Variants in TENM4 observed in about 807,000 individuals in gnomAD.
TENM4 encodes the protein teneurin transmembrane protein 4.
In TENM4, 82 loss-of-function variants were observed where a neutral mutation model predicts 243.3. The ratio of observed to expected loss-of-function variants is 0.34; its 90% confidence interval spans 0.28 to 0.40. The LOEUF is 0.40. TENM4 is among the 10% of genes least tolerant of loss of function. The pLI, the probability that TENM4 is intolerant of heterozygous loss-of-function variation, is 1.00. For synonymous variants in TENM4, 1,412 were observed against 1,456.3 expected, an observed-to-expected ratio of 0.97 and a Z score of 0.69; for missense variants, 3,138 against 3,673.3, an observed-to-expected ratio of 0.85 and a Z score of 3.77.
At chr11:79,121,021 C>A (rs911406721) in intron 4 of TENM4, among the ~76,000 whole-genome samples, 3 of 152,152 alleles carry the variant, frequency 2.0e-5, no homozygotes, top group Admixed American at 6.5e-5. Context: ...AGCTCCAGAG[C>A]GATTGCTTTT....
At chr11:79,165,856 T>C (rs1862900166) in intron 3 of TENM4, among the ~76,000 whole-genome samples, 3 of 152,342 alleles carry the variant, frequency 2.0e-5, no homozygotes, top group South Asian at 2.1e-4. Context: ...CTTCTACATG[T>C]GGCTTGACAA....
At chr11:78,724,971 G>A (rs1361622978) in intron 23 of TENM4, among the ~76,000 whole-genome samples, 1 of 152,218 alleles carries the variant, frequency 6.6e-6, no homozygotes, top group Non-Finnish European at 1.5e-5. Context: ...TGCAGCCCTG[G>A]ATTATCTACC....
chr11:79,323,037 A>T (rs1400833529), intron 1 of TENM4, among the ~76,000 whole-genome samples: 1 of 152,210 alleles, frequency 6.6e-6, no homozygotes, highest in African/African-American at 2.4e-5. Flanking sequence ...AAGAATTAAG[A>T]TTCACTGTGC....
intron 3 of TENM4, among the ~76,000 whole-genome samples, chr11:79,174,957 C>G (rs1280766889): frequency 6.6e-6 from 1 of 152,148 alleles, no homozygotes; most frequent in Non-Finnish European, 1.5e-5. Flanking sequence ...ATGACAATGC[C>G]ACTGTTTCTT....
chr11:78,998,113 A>T (rs1858223183), intron 6 of TENM4, among the ~76,000 whole-genome samples: 1 of 152,182 alleles, frequency 6.6e-6, no homozygotes, highest in South Asian at 2.1e-4. Flanking sequence ...TCAAGCCACT[A>T]GTCTATGGTA....
chr11:78,893,945 A>T (rs1200151742), intron 7 of TENM4, among the ~76,000 whole-genome samples: 1 of 152,192 alleles, frequency 6.6e-6, no homozygotes, highest in African/African-American at 2.4e-5. Context: ...TTCCTAATGC[A>T]TTTTAAGTTC....
At chr11:79,322,093 G>T (rs1856900153) in intron 1 of TENM4, among the ~76,000 whole-genome samples, 1 of 152,152 alleles carries the variant, frequency 6.6e-6, no homozygotes, top group Non-Finnish European at 1.5e-5. Context: ...ACCACCTCCT[G>T]CTACATCCCC....
At chr11:78,893,926 T>C (rs1410860905) in intron 7 of TENM4, among the ~76,000 whole-genome samples, 1 of 152,168 alleles carries the variant, frequency 6.6e-6, no homozygotes, top group African/African-American at 2.4e-5. Context: ...TATCTGATTA[T>C]TGTGCTTTTT....
intron 20 of TENM4, among the ~76,000 whole-genome samples, chr11:78,735,189 T>C (rs1447507141): frequency 6.6e-6 from 1 of 152,204 alleles, no homozygotes; most frequent in Non-Finnish European, 1.5e-5. Flanking sequence ...TTGCAGGAGC[T>C]ATCACCCGTT....
intron 2 of TENM4, among the ~76,000 whole-genome samples, chr11:79,254,068 A>G (rs1210332043): frequency 6.6e-6 from 1 of 152,196 alleles, no homozygotes; most frequent in Non-Finnish European, 1.5e-5. Context: ...GCATCCTCAT[A>G]TGCTGTCGAT....
chr11:79,129,068 G>A (rs1861941427), intron 4 of TENM4, among the ~76,000 whole-genome samples: 1 of 152,204 alleles, frequency 6.6e-6, no homozygotes. Flanking sequence ...AAGGGGGAAA[G>A]GGAGAGCCTC....
At chr11:79,425,801 T>C (rs1477019304) in intron 1 of TENM4, among the ~76,000 whole-genome samples, 1 of 152,164 alleles carries the variant, frequency 6.6e-6, no homozygotes, top group Non-Finnish European at 1.5e-5. Context: ...GGTCCACTTC[T>C]GAACAAGTGA....
At position 79,109,233 on chromosome 11, in the gene TENM4, C is replaced by G. The variant is rs751375891; in HGVS notation, c.-65-39224G>C. Among the ~76,000 whole-genome samples the G allele has an allele frequency of 3.0e-4, 45 of 152,122 alleles. 1 individual carries two copies. Among genetic ancestry groups the G allele is most frequent in the African/African-American group, 5.6e-4 (23 of 41,412 alleles). ...TTGCTATTTATTATTTATTTCACTT[C>G]TTATTTTTAAAATATGATTAATATA... is the stretch of plus-strand genomic sequence containing the variant. On this transcript the variant is annotated intron_variant, in intron 4 of 33. Coordinates refer to ENST00000278550, the MANE Select transcript of TENM4 (RefSeq NM_001098816.3).
intron 1 of TENM4, among the ~76,000 whole-genome samples, chr11:79,376,890 T>C (rs974232931): frequency 6.6e-6 from 1 of 152,236 alleles, no homozygotes; most frequent in Admixed American, 6.5e-5. Flanking sequence ...GGCTGAATAA[T>C]GGCTCCCAAT....
chr11:78,805,880 T>G (rs1360512671), intron 14 of TENM4, among the ~76,000 whole-genome samples: 1 of 152,254 alleles, frequency 6.6e-6, no homozygotes, highest in African/African-American at 2.4e-5. Context: ...AGGTTTATTT[T>G]TGTAGGCATG....
chr11:78,807,902 A>G (rs1857423757), intron 14 of TENM4, among the ~76,000 whole-genome samples: 1 of 152,238 alleles, frequency 6.6e-6, no homozygotes, highest in Non-Finnish European at 1.5e-5. Context: ...TAAAGCAGGT[A>G]TGGTAAAGAT....
intron 2 of TENM4, among the ~76,000 whole-genome samples, chr11:79,245,608 C>T (rs1565266448): frequency 6.6e-6 from 1 of 152,064 alleles, no homozygotes; most frequent in Non-Finnish European, 1.5e-5. Flanking sequence ...AAGTACCTAG[C>T]ATATAACACT....
chr11:78,974,015 G>A (rs529457322), intron 6 of TENM4, among the ~76,000 whole-genome samples: 8 of 152,190 alleles, frequency 5.3e-5, no homozygotes, highest in African/African-American at 1.9e-4. Flanking sequence ...GAAGCTAACA[G>A]GACTAGAGAA....
At chr11:79,212,466 T>C (rs1443794544) in intron 3 of TENM4, among the ~76,000 whole-genome samples, 3 of 152,228 alleles carry the variant, frequency 2.0e-5, no homozygotes, top group Non-Finnish European at 4.4e-5. Flanking sequence ...AAGCTTTTTA[T>C]TAAATGTTCT....
Sources: gnomAD v4.1 joint callset for allele counts (sites outside exome capture counted in the v4.1 genomes callset) on GRCh38, gnomAD v4.1.1 for gene constraint, MANE v1.5 for transcripts, NCBI Gene and HGNC (gene_info 2026-07-23, HGNC 2026-07-21) for gene names.